Variants in ZNF804A observed in about 807,000 individuals in gnomAD.
ZNF804A encodes the protein zinc finger protein 804A.
Under a neutral mutation model 16.5 loss-of-function variants are expected in ZNF804A, and 2 were observed. The observed-to-expected ratio is 0.12, with a 90% CI of 0.05 to 0.38. ZNF804A has a LOEUF of 0.38. Ranked by LOEUF, ZNF804A falls within the 10% of genes least tolerant of loss-of-function variation. The pLI is 0.99. For synonymous variants in ZNF804A, 534 were observed against 489.6 expected (o/e 1.09, Z -1.20); for missense variants, 1,473 against 1,390.7 (o/e 1.06, Z -0.94).
chr2:184,697,835 C>T (rs1045370828), intron 1 of ZNF804A, among the ~76,000 whole-genome samples: 6 of 151,926 alleles, frequency 3.9e-5, no homozygotes, highest in South Asian at 4.2e-4. Flanking sequence ...TCATCGAATT[C>T]GGTGGCTTTT....
At chr2:184,866,879 C>A (rs1263588386) in intron 2 of ZNF804A, among the ~76,000 whole-genome samples, 1 of 149,586 alleles carries the variant, frequency 6.7e-6, no homozygotes, top group Non-Finnish European at 1.5e-5. Flanking sequence ...ATATTTATTG[C>A]ATGTTATTTA....
At chr2:184,849,283 C>T (rs552600599) in intron 1 of ZNF804A, among the ~76,000 whole-genome samples, 1 of 151,968 alleles carries the variant, frequency 6.6e-6, no homozygotes, top group African/African-American at 2.4e-5. Flanking sequence ...GTTATAGTAG[C>T]CCCTGGACAG....
intron 1 of ZNF804A, among the ~76,000 whole-genome samples, chr2:184,641,534 G>A (rs1254816404): frequency 1.3e-5 from 2 of 152,058 alleles, no homozygotes; most frequent in Non-Finnish European, 2.9e-5. Context: ...TGCTTAAAAT[G>A]ATTACATTTT....
At chr2:184,816,867 A>G (rs1028080607) in intron 1 of ZNF804A, among the ~76,000 whole-genome samples, 2 of 151,972 alleles carry the variant, frequency 1.3e-5, no homozygotes, top group Non-Finnish European at 2.9e-5. Context: ...TTTAATAATT[A>G]GATCACAAGT....
chr2:184,771,106 A>G lies in ZNF804A; in HGVS notation c.112-95263A>G, dbSNP rs189841760. 7.5e-3 allele frequency among the ~76,000 whole-genome samples: 1,136 copies of G among 152,178 alleles called. 4 individuals are homozygous for G. The highest frequency in any genetic ancestry group is 0.012 in the Non-Finnish European group (828 of 67,976). On this transcript the variant is annotated intron_variant, in intron 1 of 3. Transcript: ENST00000302277. The stretch of plus-strand genomic sequence containing the variant: ...AGATGAGCAAACTAATACCACACAC[A>G]AAAGAAATTACTCTCATAACCATGC...
At chr2:184,857,852 T>C (rs1199789186) in intron 1 of ZNF804A, among the ~76,000 whole-genome samples, 2 of 152,306 alleles carry the variant, frequency 1.3e-5, no homozygotes, top group Admixed American at 6.5e-5. Flanking sequence ...TCTTTACATG[T>C]GAAATGAATC....
chr2:184,818,376 C>T (rs554602628), intron 1 of ZNF804A, among the ~76,000 whole-genome samples: 1 of 152,008 alleles, frequency 6.6e-6, no homozygotes, highest in African/African-American at 2.4e-5. Flanking sequence ...TTTGTCACCA[C>T]CAGACCTGCC....
chr2:184,700,618 T>C (rs1449371402), intron 1 of ZNF804A, among the ~76,000 whole-genome samples: 1 of 151,950 alleles, frequency 6.6e-6, no homozygotes, highest in African/African-American at 2.4e-5. Flanking sequence ...AAGACAACCT[T>C]GAATGACAAA....
At chr2:184,848,716 T>C (rs893813396) in intron 1 of ZNF804A, among the ~76,000 whole-genome samples, 3 of 152,006 alleles carry the variant, frequency 2.0e-5, no homozygotes, top group Non-Finnish European at 4.4e-5. Flanking sequence ...TAGAAGATGA[T>C]GACACAGCTG....
chr2:184,661,437 T>A (rs943487330), intron 1 of ZNF804A, among the ~76,000 whole-genome samples: 3 of 152,080 alleles, frequency 2.0e-5, no homozygotes, highest in Non-Finnish European at 4.4e-5. Context: ...GCAGATACTA[T>A]AGAGTGAGCA....
At chr2:184,850,096 G>A (rs1031368360) in intron 1 of ZNF804A, among the ~76,000 whole-genome samples, 1 of 151,724 alleles carries the variant, frequency 6.6e-6, no homozygotes, top group Admixed American at 6.6e-5. Context: ...GGGGTAAAAA[G>A]TGAGGATGGT....
At chr2:184,653,860 A>T (rs999846762) in intron 1 of ZNF804A, among the ~76,000 whole-genome samples, 2 of 152,160 alleles carry the variant, frequency 1.3e-5, no homozygotes, top group African/African-American at 2.4e-5. Flanking sequence ...GAAGCTTCTG[A>T]TTACCAACTT....
At chr2:184,667,667 A>T (rs564713635) in intron 1 of ZNF804A, among the ~76,000 whole-genome samples, 55 of 151,960 alleles carry the variant, frequency 3.6e-4, no homozygotes, top group African/African-American at 1.3e-3. Flanking sequence ...ATGTATACGA[A>T]TTAAGTTTCT....
chr2:184,657,229 G>T (rs775496581), intron 1 of ZNF804A, among the ~76,000 whole-genome samples: 2 of 152,172 alleles, frequency 1.3e-5, no homozygotes, highest in Middle Eastern at 3.4e-3. Flanking sequence ...GGAACCACAG[G>T]CATACACCCC....
At chr2:184,783,580 T>C (rs1015746846) in intron 1 of ZNF804A, among the ~76,000 whole-genome samples, 1 of 151,964 alleles carries the variant, frequency 6.6e-6, no homozygotes, top group African/African-American at 2.4e-5. Context: ...CACTTTTCTC[T>C]GGCACTTCTT....
intron 2 of ZNF804A, among the ~76,000 whole-genome samples, chr2:184,894,175 A>T (rs1222017457): frequency 6.6e-6 from 1 of 152,176 alleles, no homozygotes; most frequent in Non-Finnish European, 1.5e-5. Flanking sequence ...TCAGTTACTG[A>T]TGCTATAAAT....
chr2:184,694,364 TTGTCCA>T (rs1348880752), intron 1 of ZNF804A, among the ~76,000 whole-genome samples: 1 of 152,196 alleles, frequency 6.6e-6, no homozygotes, highest in Admixed American at 6.5e-5. Context: ...TCTTGTTCGC[TTGTCCA>T]TGGATGATTT....
chr2:184,823,975 G>C (rs553791709), intron 1 of ZNF804A, among the ~76,000 whole-genome samples: 1 of 152,098 alleles, frequency 6.6e-6, no homozygotes, highest in South Asian at 2.1e-4. Context: ...CAAATATTAA[G>C]ATATCTTTAC....
intron 1 of ZNF804A, among the ~76,000 whole-genome samples, chr2:184,705,993 T>C (rs1347934417): frequency 3.3e-5 from 5 of 152,154 alleles, no homozygotes; most frequent in African/African-American, 9.7e-5. Context: ...TTAAAACCCT[T>C]TGCTGCTGAG....
Sources: gnomAD v4.1 joint callset for allele counts (sites outside exome capture counted in the v4.1 genomes callset) on GRCh38, gnomAD v4.1.1 for gene constraint, MANE v1.5 for transcripts, NCBI Gene and HGNC (gene_info 2026-07-23, HGNC 2026-07-21) for gene names.